Variants in KCNH1 observed in about 807,000 individuals in gnomAD.
KCNH1 encodes voltage-gated delayed rectifier potassium channel KCNH1.
A neutral mutation model predicts 69.2 loss-of-function variants in KCNH1; 27 were observed. The ratio of observed to expected loss-of-function variants is 0.39; its 90% CI spans 0.29 to 0.54. KCNH1 has a LOEUF of 0.54. Among genes scored for constraint, KCNH1 ranks in the 20% least tolerant of loss-of-function variants. The pLI, the probability that KCNH1 is intolerant of heterozygous loss-of-function variation, is 0.68. For synonymous variants in KCNH1, 456 were observed against 487.7 expected (o/e 0.93, Z 0.86); for missense variants, 798 against 1,261.6 (o/e 0.63, Z 5.57).
At chr1:211,120,302 G>T (rs914810495) in intron 1 of KCNH1, among the ~76,000 whole-genome samples, 1 of 151,250 alleles carries the variant, frequency 6.6e-6, no homozygotes, top group South Asian at 2.1e-4. Flanking sequence ...CAATTCTCCT[G>T]CTTCAGCCTC....
At chr1:210,981,554 C>A (rs1216731888) in intron 6 of KCNH1, among the ~76,000 whole-genome samples, 1 of 151,994 alleles carries the variant, frequency 6.6e-6, no homozygotes, top group Non-Finnish European at 1.5e-5. Flanking sequence ...GTAAAAATGT[C>A]TTCATTTGCT....
intron 6 of KCNH1, among the ~76,000 whole-genome samples, chr1:210,922,438 C>T (rs1687482929): frequency 6.8e-6 from 1 of 146,116 alleles, no homozygotes; most frequent in Non-Finnish European, 1.5e-5. Flanking sequence ...AAGTTTGCAG[C>T]CATAAAACGT....
chr1:211,107,458 C>T (rs1188290226), intron 1 of KCNH1, 81 bp from the exon 2 acceptor site: 2 of 1,371,488 alleles, frequency 1.5e-6, no homozygotes, highest in Non-Finnish European at 2.0e-6. Flanking sequence ...TAAATAATGT[C>T]AAGCAATCCA....
chr1:210,953,922 G>T (rs565068874), intron 6 of KCNH1, among the ~76,000 whole-genome samples: 3 of 151,784 alleles, frequency 2.0e-5, no homozygotes, highest in African/African-American at 7.3e-5. Flanking sequence ...TTATACTTTC[G>T]GTTCTAGGGT....
intron 7 of KCNH1, among the ~76,000 whole-genome samples, chr1:210,882,894 T>C (rs1686527075): frequency 6.6e-6 from 1 of 152,162 alleles, no homozygotes; most frequent in Non-Finnish European, 1.5e-5. Flanking sequence ...CGTCATCACA[T>C]TATCACTCTG....
At chr1:210,951,638 T>C (rs373903357) in intron 6 of KCNH1, among the ~76,000 whole-genome samples, 69 of 152,314 alleles carry the variant, frequency 4.5e-4, no homozygotes, top group African/African-American at 1.6e-3. Context: ...GTATTGGTAA[T>C]AGGATAAAAT....
intron 10 of KCNH1, among the ~76,000 whole-genome samples, chr1:210,772,008 T>A (rs1223227224): frequency 1.3e-5 from 2 of 152,190 alleles, no homozygotes; most frequent in Non-Finnish European, 2.9e-5. Flanking sequence ...AGCTAGGTGA[T>A]GTTCATACCC....
chr1:210,789,512 C>A (rs1684173587), intron 9 of KCNH1, among the ~76,000 whole-genome samples: 1 of 152,144 alleles, frequency 6.6e-6, no homozygotes, highest in Admixed American at 6.5e-5. Flanking sequence ...GCTGTCAAGA[C>A]ATCTATATGA....
chr1:210,808,014 C>G (rs931468071), intron 7 of KCNH1, among the ~76,000 whole-genome samples: 2 of 152,210 alleles, frequency 1.3e-5, no homozygotes, highest in African/African-American at 2.4e-5. Context: ...GACACCTGCT[C>G]TTCTAAGCTC....
intron 5 of KCNH1, among the ~76,000 whole-genome samples, chr1:211,067,037 T>C (rs1454757956): frequency 6.6e-6 from 1 of 152,124 alleles, no homozygotes; most frequent in African/African-American, 2.4e-5. Context: ...TGGGGAAAGA[T>C]GGTGTCCCTT....
intron 9 of KCNH1, among the ~76,000 whole-genome samples, chr1:210,790,345 C>G (rs74317054): frequency 0.01 from 1,585 of 152,224 alleles, 31 homozygotes; most frequent in African/African-American, 0.037. Flanking sequence ...ATCTCTCTCA[C>G]CACCACTTCC....
rs1423153486 is a variant in KCNH1 at position 210,738,122 on chromosome 1, ATT to A, written c.2112+37224_2112+37225del. On this transcript the variant is annotated intron_variant, in intron 10 of 10. Coordinates refer to ENST00000271751, the MANE Select transcript of KCNH1 (RefSeq NM_172362.3). The stretch of plus-strand genomic sequence containing the variant: ...TCTCATTCACTCCCCCCGCAACCAT[ATT>A]GGTCTCTTTGCTTCCCCTCAGACAC... 2.7e-3 allele frequency among the ~76,000 whole-genome samples: 406 copies of A among 152,058 alleles called. 8 individuals carry two copies. Among genetic ancestry groups the A allele is most frequent in the Non-Finnish European group, 1.8e-3 (122 of 67,982 alleles).
In KCNH1 at chr1:211,016,538, AAATGAT is replaced by A. The variant is rs1228355676; in HGVS notation, c.1032+2239_1032+2244del. Among the ~76,000 whole-genome samples the A allele has an allele frequency of 2.6e-4, 39 of 152,300 alleles. 1 individual carries two copies. The highest frequency in any genetic ancestry group is 2.6e-4 in the Admixed American group (4 of 15,296). ...TAATTTATTTGAATTACCTAAGCCAAAATGATATTTTCCTAAGAAAAAAATTTCTAA... is the reference window on the plus strand; with the variant it reads ...TAATTTATTTGAATTACCTAAGCCAAATTTTCCTAAGAAAAAAATTTCTAA... On this transcript the variant is annotated intron_variant, in intron 6 of 10. Transcript: ENST00000271751.
In KCNH1 at chr1:211,133,826, AT is replaced by A; in HGVS notation, c.79+40del. ...GAGAGGTTCTGCAATAAAGGCACGG[AT>A]AAAACGCCCGGGTAATCGAAATCCG... is the stretch of plus-strand genomic sequence containing the variant. On this transcript the variant is annotated intron_variant, in intron 1 of 10. Transcript: ENST00000271751. The surrounding 1 kb of genome is among the most constrained non-coding windows in gnomAD (Gnocchi z 5.4). 6.3e-7 allele frequency: 1 copy of A among 1,578,184 alleles called. No homozygotes were observed. Among genetic ancestry groups the A allele is most frequent in the Non-Finnish European group, 8.7e-7 (1 of 1,152,540 alleles).
intron 5 of KCNH1, among the ~76,000 whole-genome samples, chr1:211,051,067 G>A (rs985680888): frequency 4.0e-5 from 6 of 151,804 alleles, no homozygotes; most frequent in East Asian, 3.9e-4. Flanking sequence ...GCACAATCTC[G>A]GCTCACTGCA....
intron 6 of KCNH1, among the ~76,000 whole-genome samples, chr1:210,933,463 T>C (rs919449143): frequency 2.6e-5 from 4 of 151,690 alleles, no homozygotes; most frequent in Non-Finnish European, 4.4e-5. Flanking sequence ...TGTATACATA[T>C]GTAACTAACC....
intron 6 of KCNH1, among the ~76,000 whole-genome samples, chr1:210,927,221 C>T (rs1394567121): frequency 1.3e-5 from 2 of 152,098 alleles, no homozygotes; most frequent in Non-Finnish European, 2.9e-5. Context: ...TCAAAAAACA[C>T]CAAGAGGAGT....
chr1:210,885,051 A>G (rs1309093223), intron 7 of KCNH1, among the ~76,000 whole-genome samples: 2 of 152,246 alleles, frequency 1.3e-5, no homozygotes, highest in African/African-American at 4.8e-5. Context: ...TTCAGTAGGC[A>G]CTACCAGTGC....
intron 6 of KCNH1, among the ~76,000 whole-genome samples, chr1:210,926,540 C>T (rs373008370): frequency 6.6e-6 from 1 of 152,164 alleles, no homozygotes; most frequent in East Asian, 1.9e-4. Context: ...AGGGAGCACC[C>T]TGTGGGACAA....
Sources: allele counts gnomAD v4.1 joint callset (sites outside exome capture counted in the v4.1 genomes callset), GRCh38; gene constraint gnomAD v4.1.1; non-coding constraint Gnocchi (gnomAD v3.1); transcripts MANE v1.5; gene names NCBI Gene and HGNC (gene_info 2026-07-23, HGNC 2026-07-21).